Variants in NME7 observed in about 807,000 individuals in gnomAD.
NME7 encodes nucleoside diphosphate kinase 7.
Under a neutral mutation model 49.1 loss-of-function variants are expected in NME7, and 41 were observed. The ratio of observed to expected loss-of-function variants is 0.83; its 90% CI spans 0.65 to 1.08. The LOEUF is 1.08. Among genes scored for constraint, NME7 ranks in the 50% least tolerant of loss-of-function variants. NME7 has a pLI of 0.00. For synonymous variants in NME7, 139 were observed against 150.6 expected (o/e 0.92, Z 0.56); for missense variants, 423 against 463.4 (o/e 0.91, Z 0.80).
chr1:169,331,344 T>C (rs1211538209), intron 1 of NME7, among the ~76,000 whole-genome samples: 1 of 152,128 alleles, frequency 6.6e-6, no homozygotes, highest in African/African-American at 2.4e-5. Context: ...TTGACAAATA[T>C]GACAGACCCA....
intron 2 of NME7, 58 bp downstream of exon 2, chr1:169,324,335 C>T (rs1651969538): frequency 1.9e-6 from 2 of 1,037,102 alleles, no homozygotes; most frequent in Non-Finnish European, 1.5e-6. Context: ...ATATAAAAGG[C>T]AATGGTTCCC....
chr1:169,329,190 AAATCTGATCT>A (rs201817884), intron 1 of NME7, among the ~76,000 whole-genome samples: 166 of 151,584 alleles, frequency 1.1e-3, no homozygotes, highest in Middle Eastern at 3.4e-3. Flanking sequence ...AACAAAAAAA[AAATCTGATCT>A]AATTTTTTTC....
intron 11 of NME7, among the ~76,000 whole-genome samples, chr1:169,161,487 C>T (rs1468938218): frequency 6.6e-6 from 1 of 152,220 alleles, no homozygotes; most frequent in Non-Finnish European, 1.5e-5. Flanking sequence ...CCTTGATTCA[C>T]TATTTTTTCC....
At chr1:169,181,386 CACACACACACACACATATAT>C (rs1374157196) in intron 10 of NME7, among the ~76,000 whole-genome samples, 1 of 151,758 alleles carries the variant, frequency 6.6e-6, no homozygotes, top group Non-Finnish European at 1.5e-5. Flanking sequence ...CACACACACA[CACACACACACACACATATAT>C]ACACACACAT....
chr1:169,160,502 G>A (rs1659212753), intron 11 of NME7, among the ~76,000 whole-genome samples: 1 of 151,974 alleles, frequency 6.6e-6, no homozygotes, highest in African/African-American at 2.4e-5. Flanking sequence ...ATAATAATCT[G>A]GAATATATAG....
chr1:169,273,423 C>T (rs36102044), intron 7 of NME7, among the ~76,000 whole-genome samples: 11,929 of 131,362 alleles, frequency 0.091, 3,229 homozygotes, highest in East Asian at 0.76. Context: ...TATTCCATGG[C>T]GTATATGCAC....
At chr1:169,146,162 C>T (rs563721939) in intron 11 of NME7, among the ~76,000 whole-genome samples, 2 of 152,282 alleles carry the variant, frequency 1.3e-5, no homozygotes, top group East Asian at 1.9e-4. Context: ...GTTTGGCTCC[C>T]ACTTACAAGT....
intron 3 of NME7, among the ~76,000 whole-genome samples, chr1:169,316,252 A>G (rs1651622060): frequency 6.6e-6 from 1 of 152,168 alleles, no homozygotes; most frequent in Non-Finnish European, 1.5e-5. Flanking sequence ...AACAACAATA[A>G]TAACAAAACT....
intron 4 of NME7, among the ~76,000 whole-genome samples, chr1:169,304,087 G>A (rs368487285): frequency 9.2e-5 from 14 of 152,120 alleles, no homozygotes; most frequent in African/African-American, 3.1e-4. Flanking sequence ...TAAAAAAGGG[G>A]AGAATATGGA....
chr1:169,303,376 G>T, intron 4 of NME7, 181 bp from the exon 5 acceptor site: 3 of 255,308 alleles, frequency 1.2e-5, no homozygotes, highest in East Asian at 1.7e-4. Context: ...TTAAGTATGA[G>T]TAATATCAAT....
At chr1:169,283,391 C>G (rs955565774) in intron 7 of NME7, among the ~76,000 whole-genome samples, 1 of 152,124 alleles carries the variant, frequency 6.6e-6, no homozygotes, top group South Asian at 2.1e-4. Context: ...GGTCTTGACT[C>G]TTTACCCAAT....
At chr1:169,280,635 G>A (rs1649969841) in intron 7 of NME7, among the ~76,000 whole-genome samples, 1 of 147,704 alleles carries the variant, frequency 6.8e-6, no homozygotes, top group African/African-American at 2.5e-5. Context: ...TTTTGTAAAA[G>A]GTGTAAGGAA....
In NME7 at chr1:169,256,296, C is replaced by T. The variant is rs534841088; in HGVS notation, c.755-18609G>A. On this transcript the variant is annotated intron_variant, in intron 7 of 11. Transcript: ENST00000367811. ...TCTTTTTTCTCTAAACTTTCCTTCT[C>T]GCTTCATTTCATTCATTTCATCTTC... Among the ~76,000 whole-genome samples the T allele has an allele frequency of 3.7e-5, 5 of 133,652 alleles. 1 individual carries two copies. The highest frequency in any genetic ancestry group is 4.6e-4 in the South Asian group (2 of 4,336). The allele number at this position is 133,652 out of a possible 152,430, so 87.7% of individuals were successfully genotyped here.
intron 1 of NME7, among the ~76,000 whole-genome samples, chr1:169,336,418 C>A (rs563746859): frequency 1.4e-4 from 21 of 152,170 alleles, no homozygotes; most frequent in Middle Eastern, 3.4e-3. Flanking sequence ...TTGGTAGAGC[C>A]GAGTGGCCTG....
chr1:169,183,790 A>C (rs1251431317), intron 10 of NME7, among the ~76,000 whole-genome samples: 1 of 152,102 alleles, frequency 6.6e-6, no homozygotes, highest in African/African-American at 2.4e-5. Context: ...CGACAGAGCG[A>C]GACTCCATCT....
chr1:169,169,600 A>G (rs1438416325), intron 10 of NME7, 46 bp from the exon 11 acceptor site: 1 of 1,536,970 alleles, frequency 6.5e-7, no homozygotes, highest in Non-Finnish European at 9.0e-7. Flanking sequence ...GTCATATGGT[A>G]TAAATAAGAA....
At chr1:169,226,020 G>GTA (rs915445455) in intron 10 of NME7, among the ~76,000 whole-genome samples, 18 of 151,744 alleles carry the variant, frequency 1.2e-4, no homozygotes, top group Non-Finnish European at 2.1e-4. Context: ...CAGGTGTTAG[G>GTA]TATATATATA....
Position 169,264,987 on chromosome 1 carries a change from C to A in NME7, c.754+22316G>T, listed in dbSNP as rs1249967694. ...AAACATGTCCTTCACATGGCGGCAACAAAGAGAAGTGCAGAGTAAAAGAGG... is the reference window on the plus strand; with the variant it reads ...AAACATGTCCTTCACATGGCGGCAAAAAAGAGAAGTGCAGAGTAAAAGAGG... On this transcript the variant is annotated intron_variant, in intron 7 of 11. Transcript: ENST00000367811. 2.3e-5 allele frequency among the ~76,000 whole-genome samples: 3 copies of A among 132,824 alleles called. 1 individual carries two copies. Among genetic ancestry groups the A allele is most frequent in the African/African-American group, 7.6e-5 (3 of 39,310 alleles). 87.1% of individuals were successfully genotyped at this position (132,824 alleles called of 152,430 possible).
intron 11 of NME7, among the ~76,000 whole-genome samples, chr1:169,152,633 G>A (rs985925030): frequency 1.3e-5 from 2 of 152,214 alleles, no homozygotes; most frequent in African/African-American, 4.8e-5. Context: ...GACAGGGGAG[G>A]AGACAGATAC....
Sources: gnomAD v4.1 joint callset for allele counts (sites outside exome capture counted in the v4.1 genomes callset) on GRCh38, gnomAD v4.1.1 for gene constraint, MANE v1.5 for transcripts, NCBI Gene and HGNC (gene_info 2026-07-23, HGNC 2026-07-21) for gene names.